Variants in UNC5D observed in about 807,000 individuals in gnomAD.
UNC5D encodes netrin receptor UNC5D.
UNC5D carries 39 observed loss-of-function variants against 105.4 expected under a neutral mutation model. The observed-to-expected ratio is 0.37, with a 90% confidence interval of 0.29 to 0.48. UNC5D has a LOEUF of 0.48. Among genes scored for constraint, UNC5D ranks in the 20% least tolerant of loss-of-function variants. The pLI is 0.98. For missense variants in UNC5D, 991 were observed against 1,202.4 expected (o/e 0.82, Z 2.60); for synonymous variants, 452 against 450.4 (o/e 1.00, Z -0.04).
chr8:35,442,122 C>T (rs191895216), intron 1 of UNC5D, among the ~76,000 whole-genome samples: 1 of 151,950 alleles, frequency 6.6e-6, no homozygotes, highest in East Asian at 1.9e-4. Flanking sequence ...GACATAAACA[C>T]ATTTGGCTAT....
chr8:35,648,706 A>C (rs972313182), intron 4 of UNC5D, among the ~76,000 whole-genome samples: 7 of 148,630 alleles, frequency 4.7e-5, no homozygotes, highest in Admixed American at 2.0e-4. Flanking sequence ...AAAAAAGGAG[A>C]GAGATCTCCA....
intron 1 of UNC5D, among the ~76,000 whole-genome samples, chr8:35,329,722 G>C (rs1810464404): frequency 6.6e-6 from 1 of 152,094 alleles, no homozygotes; most frequent in Non-Finnish European, 1.5e-5. Flanking sequence ...AATTGCCCCA[G>C]GAGGCCCTCA....
chr8:35,583,281 A>C (rs972949491), intron 3 of UNC5D, among the ~76,000 whole-genome samples: 5 of 152,212 alleles, frequency 3.3e-5, no homozygotes, highest in African/African-American at 1.2e-4. Flanking sequence ...TGAGCTCAGG[A>C]GTTTTAAGCT....
At chr8:35,784,646 G>A (rs1052122207) in intron 16 of UNC5D, among the ~76,000 whole-genome samples, 1 of 152,046 alleles carries the variant, frequency 6.6e-6, no homozygotes, top group African/African-American at 2.4e-5. Context: ...TACTCGGGAG[G>A]CTGAAGCATA....
intron 3 of UNC5D, among the ~76,000 whole-genome samples, chr8:35,584,341 G>T (rs1315340775): frequency 6.6e-6 from 1 of 151,744 alleles, no homozygotes; most frequent in Admixed American, 6.6e-5. Context: ...GTGCTAAGAG[G>T]ATCATGAAAT....
intron 3 of UNC5D, among the ~76,000 whole-genome samples, chr8:35,570,221 C>G (rs960643671): frequency 6.6e-6 from 1 of 152,186 alleles, no homozygotes; most frequent in Non-Finnish European, 1.5e-5. Context: ...TGCCATCACA[C>G]CTGCAGTTTC....
intron 5 of UNC5D, among the ~76,000 whole-genome samples, chr8:35,684,108 C>T (rs1586426890): frequency 6.6e-6 from 1 of 152,194 alleles, no homozygotes; most frequent in Non-Finnish European, 1.5e-5. Flanking sequence ...CAGGTAGTCT[C>T]TCCCCTGGTA....
At chr8:35,621,199 C>T (rs1002548872) in intron 4 of UNC5D, among the ~76,000 whole-genome samples, 6 of 152,142 alleles carry the variant, frequency 3.9e-5, no homozygotes, top group Non-Finnish European at 8.8e-5. Context: ...CTCTACAGCA[C>T]CTCATACATT....
At chr8:35,364,646 A>T (rs1802017967) in intron 1 of UNC5D, among the ~76,000 whole-genome samples, 1 of 152,220 alleles carries the variant, frequency 6.6e-6, no homozygotes, top group Admixed American at 6.5e-5. Context: ...ATGTACATAC[A>T]CATGCACATA....
At chr8:35,697,501 T>C (rs1826872663) in intron 7 of UNC5D, among the ~76,000 whole-genome samples, 1 of 151,168 alleles carries the variant, frequency 6.6e-6, no homozygotes, top group African/African-American at 2.5e-5. Flanking sequence ...GTTGCTGGCC[T>C]CACTTAGGGA....
chr8:35,433,941 C>T (rs1806829723), intron 1 of UNC5D, among the ~76,000 whole-genome samples: 2 of 151,594 alleles, frequency 1.3e-5, no homozygotes, highest in African/African-American at 4.8e-5. Context: ...TGATCTTTAT[C>T]AATTATCTTT....
In UNC5D at chr8:35,544,595, GTTTTT is replaced by G. The variant is rs775831187; in HGVS notation, c.104-4676_104-4672del. The stretch of plus-strand genomic sequence containing the variant: ...CAACCACACCTATTCTTTCGTTTTC[GTTTTT>G]TTTTTTTTTTTTTTTTTTTTGAGAC... On this transcript the variant is annotated intron_variant, in intron 1 of 16. Coordinates refer to ENST00000404895, the MANE Select transcript of UNC5D (RefSeq NM_080872.4). 1,343 of 571,544 alleles carry G rather than the reference GTTTTT, an allele frequency of 2.3e-3. 1 individual carries two copies. Among genetic ancestry groups the G allele is most frequent in the East Asian group, 3.6e-3 (53 of 14,574 alleles). The allele number at this position is 571,544 out of a possible 1,614,324, so 35.4% of individuals were successfully genotyped here. A position where few individuals can be genotyped will look rare whatever the true frequency, so the allele number is the denominator to read the frequency against.
chr8:35,286,782 G>A (rs955046006), intron 1 of UNC5D, among the ~76,000 whole-genome samples: 1 of 152,166 alleles, frequency 6.6e-6, no homozygotes, highest in Non-Finnish European at 1.5e-5. Flanking sequence ...CATGTCTATA[G>A]GGCATATCCT....
intron 1 of UNC5D, among the ~76,000 whole-genome samples, chr8:35,499,320 C>T (rs1811822007): frequency 6.6e-6 from 1 of 152,204 alleles, no homozygotes; most frequent in Non-Finnish European, 1.5e-5. Context: ...GAAAACTCAA[C>T]TTTAGCCATC....
intron 1 of UNC5D, among the ~76,000 whole-genome samples, chr8:35,317,174 A>C (rs970280705): frequency 1.3e-5 from 2 of 152,160 alleles, no homozygotes; most frequent in African/African-American, 4.8e-5. Flanking sequence ...TGTCCAGTGA[A>C]TCTTCCATCG....
At chr8:35,473,224 G>A (rs1809861096) in intron 1 of UNC5D, among the ~76,000 whole-genome samples, 1 of 152,132 alleles carries the variant, frequency 6.6e-6, no homozygotes, top group Admixed American at 6.6e-5. Context: ...AAGTCATCTG[G>A]GGATGTCCCA....
chr8:35,706,066 C>G (rs1228946869), intron 8 of UNC5D, 105 bp downstream of exon 8: 6 of 764,788 alleles, frequency 7.8e-6, no homozygotes, highest in African/African-American at 3.6e-5. Flanking sequence ...ATGAAAGATC[C>G]AGGGCTTTCG....
rs1563248135 is a variant in UNC5D, at chr8:35,248,728, AATATATAATATATATAAAATATATAAAT to A, written c.103+12855_103+12882del. The stretch of plus-strand genomic sequence containing the variant: ...ATATAATATATATAAAATATATAAA[AATATATAATATATATAAAATATATAAAT>A]ATATATAATATATTATATAAATATA... On this transcript the variant is annotated intron_variant, in intron 1 of 16. Coordinates refer to ENST00000404895, the MANE Select transcript of UNC5D (RefSeq NM_080872.4). Among the ~76,000 whole-genome samples the A allele has an allele frequency of 2.7e-4, 27 of 98,244 alleles. No individual in the cohort carries two copies. The South Asian group carries it at 6.8e-3, about 25-fold the overall frequency. The allele number at this position is 98,244 out of a possible 152,430, so 64.5% of individuals were successfully genotyped here.
Position 35,791,833 on chromosome 8 carries a change from T to C in UNC5D, c.*1270T>C, listed in dbSNP as rs1204855297. 6.6e-6 allele frequency: 1 copy of C among 152,180 alleles called. No homozygotes were observed. Among genetic ancestry groups the C allele is most frequent in the Non-Finnish European group, 1.5e-5 (1 of 68,032 alleles). 9.4% of individuals were successfully genotyped at this position (152,180 alleles called of 1,614,324 possible). Reference sequence around the variant, plus strand: ...CATATGGCTATTGCTCTATGATTTTTTTTTTTACATTAGGAGGCAGTGATA... The same window carrying C: ...CATATGGCTATTGCTCTATGATTTTCTTTTTTACATTAGGAGGCAGTGATA... On this transcript the variant is annotated 3_prime_UTR_variant, in exon 17 of 17. Transcript: ENST00000404895.
Sources: allele counts gnomAD v4.1 joint callset (sites outside exome capture counted in the v4.1 genomes callset), GRCh38; gene constraint gnomAD v4.1.1; transcripts MANE v1.5; gene names NCBI Gene and HGNC (gene_info 2026-07-23, HGNC 2026-07-21).